NPIPB2: variants seen among roughly 807,000 people sequenced by gnomAD.
NPIPB2 encodes nuclear pore complex interacting protein family member B2.
Under a neutral mutation model 30.8 loss-of-function variants are expected in NPIPB2, and 27 were observed. That is an observed-to-expected ratio of 0.88 (90% CI 0.65 to 1.21). The LOEUF (loss-of-function observed/expected upper bound fraction) is 1.21, where lower values mean the gene tolerates loss of function less well. Among genes scored for constraint, NPIPB2 ranks in the 50% most tolerant of loss-of-function variants. The pLI, the probability that NPIPB2 is intolerant of heterozygous loss-of-function variation, is 0.00. For synonymous variants in NPIPB2, 147 were observed against 162.0 expected, an observed-to-expected ratio of 0.91 and a Z score of 0.70; for missense variants, 440 against 446.2, an observed-to-expected ratio of 0.99 and a Z score of 0.13.
intron 1 of NPIPB2, among the ~76,000 whole-genome samples, chr16:11,962,692 G>A (rs1396040939): frequency 6.6e-6 from 1 of 151,886 alleles, no homozygotes; most frequent in Non-Finnish European, 1.5e-5. Context: ...GAAATCCAGG[G>A]TAGGAAAAAG....
intron 1 of NPIPB2, among the ~76,000 whole-genome samples, chr16:11,955,746 G>GAAAAAAT (rs1452103917): frequency 6.7e-6 from 1 of 149,478 alleles, no homozygotes; most frequent in South Asian, 2.1e-4. Flanking sequence ...AAAGAAAAAA[G>GAAAAAAT]AAATTTGCCA....
intron 1 of NPIPB2, among the ~76,000 whole-genome samples, chr16:11,950,838 ACTT>A (rs1377526886): frequency 6.6e-6 from 1 of 151,994 alleles, no homozygotes; most frequent in African/African-American, 2.4e-5. Flanking sequence ...TTACATTAAA[ACTT>A]CTTATTTCTC....
chr16:11,930,243 C>T lies in NPIPB2; in HGVS notation c.590+207G>A, dbSNP rs1287615844. The stretch of plus-strand genomic sequence containing the variant: ...TCTAGCTGGCAATGGGGTCAGGAGC[C>T]GTTTTGCTACTTCACATCTTTTGGT... On this transcript the variant is annotated intron_variant, in intron 5 of 7. Coordinates refer to ENST00000399147, the Ensembl canonical transcript of NPIPB2. Among the ~76,000 whole-genome samples the T allele has an allele frequency of 1.6e-4, 19 of 120,466 alleles. No individual in the cohort carries two copies. The East Asian group carries it at 2.1e-3, about 13-fold the overall frequency. 79.0% of individuals were successfully genotyped at this position (120,466 alleles called of 152,430 possible). A position where few individuals can be genotyped will look rare whatever the true frequency, so the allele number is the denominator to read the frequency against.
chr16:11,942,648 A>G (rs1401842479), upstream of NPIPB2, among the ~76,000 whole-genome samples: 1 of 152,136 alleles, frequency 6.6e-6, no homozygotes, highest in East Asian at 1.9e-4. Flanking sequence ...CATTTCAAGA[A>G]ACAAAGTTCA....
chr16:11,941,827 C>T (rs1436049356), intron 1 of NPIPB2, 156 bp downstream of exon 1: 11 of 1,207,120 alleles, frequency 9.1e-6, no homozygotes, highest in Non-Finnish European at 1.3e-5. Context: ...CTCTCTGGAA[C>T]CTTCACAAAC....
chr16:11,933,590 G>T (rs1424765023), exon 4 of NPIPB2: 2 of 1,574,474 alleles, frequency 1.3e-6, no homozygotes, highest in Non-Finnish European at 1.7e-6. Flanking sequence ...TTCATCTTAC[G>T]GATTTTAGCT....
chr16:11,945,442 G>T (rs548136789), upstream of NPIPB2, among the ~76,000 whole-genome samples: 1 of 151,854 alleles, frequency 6.6e-6, no homozygotes, highest in African/African-American at 2.4e-5. Flanking sequence ...GGGAGGCTGG[G>T]GTGGGTGGAT....
At chr16:11,945,025 A>AT (rs1283908458), upstream of NPIPB2, among the ~76,000 whole-genome samples, 14 of 144,542 alleles carry the variant, frequency 9.7e-5, no homozygotes, top group Non-Finnish European at 1.2e-4. Flanking sequence ...CTAAAAATAA[A>AT]AAAAAAAAAA....
intron 1 of NPIPB2, among the ~76,000 whole-genome samples, chr16:11,952,221 G>T (rs950668527): frequency 1.3e-5 from 2 of 150,962 alleles, no homozygotes; most frequent in Admixed American, 6.6e-5. Context: ...GGTGGCGGGC[G>T]TCTGTAGTCC....
intron 1 of NPIPB2, chr16:11,967,985 T>A: frequency 3.2e-6 from 3 of 939,126 alleles, no homozygotes; most frequent in Non-Finnish European, 4.6e-6. Context: ...ACTCTTTATG[T>A]TAGATATATT....
intron 1 of NPIPB2, among the ~76,000 whole-genome samples, chr16:11,962,240 C>T (rs1487637030): frequency 2.0e-5 from 3 of 148,818 alleles, no homozygotes; most frequent in Non-Finnish European, 4.5e-5. Flanking sequence ...GTGGCTTGCA[C>T]CTGTAATCCC....
At chr16:11,951,952 G>A (rs937362069) in intron 1 of NPIPB2, among the ~76,000 whole-genome samples, 2 of 152,136 alleles carry the variant, frequency 1.3e-5, no homozygotes, top group African/African-American at 4.8e-5. Context: ...AAGGTCAGGA[G>A]ATCGAGACCA....
chr16:11,951,619 TACACATACACACACAC>T (rs1414489344), intron 1 of NPIPB2, among the ~76,000 whole-genome samples: 28 of 115,914 alleles, frequency 2.4e-4, no homozygotes, highest in Admixed American at 1.2e-3. Context: ...ACACTGCACA[TACACATACACACACAC>T]ACACACACAC....
At chr16:11,946,492 T>A (rs1596498141), upstream of NPIPB2, among the ~76,000 whole-genome samples, 1 of 151,904 alleles carries the variant, frequency 6.6e-6, no homozygotes, top group African/African-American at 2.4e-5. Context: ...GGGATAGTTT[T>A]AGCCCAGAAG....
chr16:11,974,203 C>A (rs142512960), intron 1 of NPIPB2, among the ~76,000 whole-genome samples: 1 of 152,138 alleles, frequency 6.6e-6, no homozygotes, highest in Non-Finnish European at 1.5e-5. Context: ...TAAGCCCCAA[C>A]GCCACTTTTT....
At chr16:11,964,664 C>G (rs1310098890) in intron 1 of NPIPB2, among the ~76,000 whole-genome samples, 2 of 152,212 alleles carry the variant, frequency 1.3e-5, no homozygotes, top group African/African-American at 4.8e-5. Context: ...ATCCACCTGC[C>G]TCGGCCTCCC....
chr16:11,949,153 T>C (rs1018375212), intron 1 of NPIPB2, among the ~76,000 whole-genome samples: 2 of 152,024 alleles, frequency 1.3e-5, no homozygotes, highest in African/African-American at 4.8e-5. Context: ...CTAGACCCTG[T>C]CTCAAAAAAA....
intron 1 of NPIPB2, among the ~76,000 whole-genome samples, chr16:11,961,049 G>T (rs1214677635): frequency 1.3e-5 from 2 of 151,870 alleles, no homozygotes; most frequent in East Asian, 3.9e-4. Context: ...TTTTAGTAGA[G>T]ACTGGGTTTC....
Position 11,930,570 on chromosome 16 carries a change from G to T in NPIPB2, c.489-19C>A, listed in dbSNP as rs2054778320. On this transcript the variant is annotated intron_variant, in intron 4 of 7. Transcript: ENST00000399147. Reference sequence around the variant, plus strand: ...TAGTTTCCTCAGATTAGAAGGGAGAGAAATGCACACACATGATCCACCAGC... The same window carrying T: ...TAGTTTCCTCAGATTAGAAGGGAGATAAATGCACACACATGATCCACCAGC... 5.8e-6 allele frequency: 9 copies of T among 1,546,466 alleles called. No individual in the cohort carries two copies. Among genetic ancestry groups the T allele is most frequent in the South Asian group, 1.2e-5 (1 of 85,168 alleles).
Sources: gnomAD v4.1 joint callset for allele counts (sites outside exome capture counted in the v4.1 genomes callset) on GRCh38, gnomAD v4.1.1 for gene constraint, MANE v1.5 for transcripts, NCBI Gene and HGNC (gene_info 2026-07-23, HGNC 2026-07-21) for gene names.